The following CMIP variants were observed in gnomAD, a reference collection of about 807,000 sequenced individuals.
CMIP encodes c-Maf inducing protein, also known as C-Maf-inducing protein.
In CMIP, 13 loss-of-function variants were observed where a neutral mutation model predicts 97.3. The ratio of observed to expected loss-of-function variants is 0.13; its 90% confidence interval spans 0.09 to 0.21. The LOEUF (loss-of-function observed/expected upper bound fraction) is 0.21, where lower values mean the gene tolerates loss of function less well. Among genes scored for constraint, CMIP ranks in the 10% least tolerant of loss-of-function variants. The pLI is 1.00. For missense variants in CMIP, 847 were observed against 1,024.9 expected, an observed-to-expected ratio of 0.83 and a Z score of 2.37; for synonymous variants, 538 against 436.3, an observed-to-expected ratio of 1.23 and a Z score of -2.91.
At chr16:81,596,372 G>T (rs919291117) in intron 1 of CMIP, among the ~76,000 whole-genome samples, 2 of 151,990 alleles carry the variant, frequency 1.3e-5, no homozygotes, top group African/African-American at 4.8e-5. Flanking sequence ...TGTCTGTGGT[G>T]GGGCACGCCT....
intron 1 of CMIP, among the ~76,000 whole-genome samples, chr16:81,545,465 A>G (rs2090528081): frequency 6.6e-6 from 1 of 152,202 alleles, no homozygotes; most frequent in Non-Finnish European, 1.5e-5. Flanking sequence ...CATCAGTAAT[A>G]ACGTTTACTG....
rs1355772719 is a variant in CMIP at position 81,453,910 on chromosome 16, T to G, written c.300+8369T>G. Among the ~76,000 whole-genome samples the G allele has an allele frequency of 6.6e-6, 1 of 152,148 alleles. No individual in the cohort carries two copies. Among genetic ancestry groups the G allele is most frequent in the Non-Finnish European group, 1.5e-5 (1 of 68,014 alleles). ...GGCCACACGGAGTGCAGGGGAAGAC[T>G]TGGGAACATGGTTTACATGTGCGTC... On this transcript the variant is annotated intron_variant, in intron 1 of 20. Coordinates refer to ENST00000537098, the MANE Select transcript of CMIP (RefSeq NM_198390.3). This position sits in a 1 kb window ranked among gnomAD's most constrained non-coding sequence, Gnocchi z 4.0.
chr16:81,481,304 A>G (rs1908247457), intron 1 of CMIP, among the ~76,000 whole-genome samples: 1 of 152,184 alleles, frequency 6.6e-6, no homozygotes, highest in South Asian at 2.1e-4. Flanking sequence ...CTGTCTCTGC[A>G]TGAGCTCCCT....
intron 1 of CMIP, among the ~76,000 whole-genome samples, chr16:81,546,798 C>A (rs1394002551): frequency 6.6e-6 from 1 of 152,240 alleles, no homozygotes; most frequent in South Asian, 2.1e-4. Flanking sequence ...GAAGAGTAGC[C>A]GCTGCCATGT....
At chr16:81,613,524 T>A (rs1036266658) in intron 2 of CMIP, among the ~76,000 whole-genome samples, 1 of 152,136 alleles carries the variant, frequency 6.6e-6, no homozygotes, top group African/African-American at 2.4e-5. Flanking sequence ...TGGGGCTCAT[T>A]TAATTTATCT....
intron 1 of CMIP, among the ~76,000 whole-genome samples, chr16:81,582,773 G>A (rs2091317168): frequency 6.6e-6 from 1 of 152,192 alleles, no homozygotes; most frequent in African/African-American, 2.4e-5. Flanking sequence ...CAGCAAATCA[G>A]GATGAAGCAA....
intron 1 of CMIP, among the ~76,000 whole-genome samples, chr16:81,539,097 C>T (rs539728684): frequency 8.5e-5 from 13 of 152,178 alleles, no homozygotes; most frequent in Non-Finnish European, 1.3e-4. Context: ...CTCAGATTCT[C>T]CATTCGCTTG....
intron 3 of CMIP, chr16:81,630,755 C>G (rs1462251877): frequency 6.6e-6 from 1 of 152,238 alleles, no homozygotes; most frequent in Non-Finnish European, 1.5e-5. Flanking sequence ...AGATTAATTT[C>G]TGGCACTCAG....
At chr16:81,499,439 T>A (rs1303850979) in intron 1 of CMIP, among the ~76,000 whole-genome samples, 1 of 152,180 alleles carries the variant, frequency 6.6e-6, no homozygotes, top group African/African-American at 2.4e-5. Flanking sequence ...TTCTCCCAAG[T>A]GCCCAGTTCG....
chr16:81,671,809 G>A (rs2151043121), intron 8 of CMIP, among the ~76,000 whole-genome samples, 157 bp from the exon 9 acceptor site: 1 of 152,352 alleles, frequency 6.6e-6, no homozygotes, highest in Admixed American at 6.5e-5. Flanking sequence ...AAATCCTGGT[G>A]CCACCAATTG....
intron 1 of CMIP, among the ~76,000 whole-genome samples, chr16:81,463,467 TGGC>T (rs770786320): frequency 3.3e-5 from 5 of 152,352 alleles, no homozygotes; most frequent in Non-Finnish European, 7.4e-5. Context: ...CCACTACGTT[TGGC>T]GGGACGGCGG....
chr16:81,561,551 G>C (rs1342404230), intron 1 of CMIP, among the ~76,000 whole-genome samples: 1 of 152,156 alleles, frequency 6.6e-6, no homozygotes, highest in Non-Finnish European at 1.5e-5. Flanking sequence ...AGGGGGAAGA[G>C]GGTGGCAGGG....
chr16:81,614,978 C>T lies in CMIP; in HGVS notation c.427-5898C>T, dbSNP rs543133999. On this transcript the variant is annotated intron_variant, in intron 2 of 20. Coordinates refer to ENST00000537098, the MANE Select transcript of CMIP (RefSeq NM_198390.3). The surrounding 1 kb of genome is among the most constrained non-coding windows in gnomAD (Gnocchi z 5.3). ...GTGTGGTGTGTTGTGTGATATGTGA[C>T]GTGTGTGTGTGGTGTATGTGTCTAT... 1.0e-4 allele frequency among the ~76,000 whole-genome samples: 14 copies of T among 135,784 alleles called. No homozygotes were observed. The highest frequency in any genetic ancestry group is 2.8e-4 in the African/African-American group (10 of 36,022). 89.1% of individuals were successfully genotyped at this position (135,784 alleles called of 152,430 possible).
At chr16:81,499,627 G>C (rs2089558262) in intron 1 of CMIP, among the ~76,000 whole-genome samples, 1 of 152,194 alleles carries the variant, frequency 6.6e-6, no homozygotes, top group East Asian at 1.9e-4. Flanking sequence ...CCAAGAATCT[G>C]GGAATGTCCT....
chr16:81,688,217 A>T (rs781166198), intron 10 of CMIP, among the ~76,000 whole-genome samples: 3 of 140,586 alleles, frequency 2.1e-5, no homozygotes, highest in Non-Finnish European at 3.2e-5. Flanking sequence ...GATGACTCGG[A>T]GTGGGTAACT....
Position 81,670,128 on chromosome 16 carries a change from T to C in CMIP, c.826-14T>C. ...TAGCACCGTCCCGACTCCTGTCCTC[T>C]GCTGTCTCCACAGGACTTTGGGAAG... On this transcript the variant is annotated splice_polypyrimidine_tract_variant and intron_variant, in intron 7 of 20. Transcript: ENST00000537098. 1 of 1,601,192 alleles carries C rather than the reference T, an allele frequency of 6.2e-7. No individual in the cohort carries two copies. The highest frequency in any genetic ancestry group is 1.7e-4 in the Middle Eastern group (1 of 5,878).
chr16:81,632,622 A>T (rs1328520055), intron 3 of CMIP, among the ~76,000 whole-genome samples: 1 of 152,212 alleles, frequency 6.6e-6, no homozygotes, highest in African/African-American at 2.4e-5. Flanking sequence ...TCTACTATCC[A>T]CAGGCCAGAG....
chr16:81,618,474 A>G (rs1158576858), intron 2 of CMIP: 1 of 152,196 alleles, frequency 6.6e-6, no homozygotes, highest in Non-Finnish European at 1.5e-5. Flanking sequence ...GGGATTTAGG[A>G]TGGAACATGT....
intron 1 of CMIP, among the ~76,000 whole-genome samples, chr16:81,486,765 C>T (rs1319268902): frequency 6.6e-6 from 1 of 152,266 alleles, no homozygotes; most frequent in African/African-American, 2.4e-5. Flanking sequence ...TTGCAGATGT[C>T]CTGGCCAAAG....
Sources: allele counts gnomAD v4.1 joint callset (sites outside exome capture counted in the v4.1 genomes callset), GRCh38; gene constraint gnomAD v4.1.1; non-coding constraint Gnocchi (gnomAD v3.1); transcripts MANE v1.5; gene names NCBI Gene and HGNC (gene_info 2026-07-23, HGNC 2026-07-21).